The following NUTM2E variants were observed in gnomAD, a reference collection of about 807,000 sequenced individuals.
The protein encoded by NUTM2E is family with sequence similarity 22, member E.
In NUTM2E, 3 loss-of-function variants were observed where a neutral mutation model predicts 26.1. The observed-to-expected ratio is 0.12, with a 90% CI of 0.05 to 0.30. The LOEUF is 0.30. Ranked by LOEUF, NUTM2E falls within the 10% of genes least tolerant of loss-of-function variation. The probability of loss-of-function intolerance (pLI) is 1.00; values close to 1 mark genes in which losing one functional copy is unlikely to be tolerated. For synonymous variants in NUTM2E, 13 were observed against 157.5 expected, an observed-to-expected ratio of 0.08 and a Z score of 6.87; for missense variants, 62 against 381.3, an observed-to-expected ratio of 0.16 and a Z score of 6.97.
rs571786088 is a variant in NUTM2E at position 79,845,356 on chromosome 10, G to A, written c.1082+484G>A. On this transcript the variant is annotated intron_variant, in intron 5 of 9. Coordinates refer to ENST00000429984, the MANE Select transcript of NUTM2E (RefSeq NM_001355263.2). ...GCACAGCGGTGGTGGAGCCTGCACAGGGGGATGGTCTCGGGCCCTGCACTG... is the reference window on the plus strand; with the variant it reads ...GCACAGCGGTGGTGGAGCCTGCACAAGGGGATGGTCTCGGGCCCTGCACTG... Among the ~76,000 whole-genome samples, 98 of 113,838 alleles carry A rather than the reference G, an allele frequency of 8.6e-4. 25 individuals are homozygous for A. Among genetic ancestry groups the A allele is most frequent in the African/African-American group, 2.6e-3 (94 of 35,800 alleles). 74.7% of individuals were successfully genotyped at this position (113,838 alleles called of 152,430 possible). A position where few individuals can be genotyped will look rare whatever the true frequency, so the allele number is the denominator to read the frequency against.
chr10:79,828,560 T>C (rs1841906491), intron 1 of NUTM2E, among the ~76,000 whole-genome samples: 1 of 151,884 alleles, frequency 6.6e-6, no homozygotes, highest in Non-Finnish European at 1.5e-5. Context: ...ACAGCCCTGG[T>C]AGTGGAAAAG....
intron 1 of NUTM2E, among the ~76,000 whole-genome samples, chr10:79,831,830 T>C (rs1218302872): frequency 6.6e-6 from 1 of 151,178 alleles, no homozygotes; most frequent in Admixed American, 6.6e-5. Context: ...AATTGCTGTT[T>C]TAGTTACTTT....
chr10:79,831,350 T>TAGATATAATC (rs1841926232), intron 1 of NUTM2E, among the ~76,000 whole-genome samples: 1 of 151,390 alleles, frequency 6.6e-6, no homozygotes, highest in South Asian at 2.1e-4. Context: ...TAAATTAGCT[T>TAGATATAATC]AGATATAATC....
intron 1 of NUTM2E, among the ~76,000 whole-genome samples, chr10:79,830,292 T>A (rs1841918644): frequency 6.6e-6 from 1 of 151,768 alleles, no homozygotes; most frequent in African/African-American, 2.4e-5. Context: ...GACATGCATC[T>A]GGATGGTTAA....
chr10:79,830,318 C>A (rs1841919238), intron 1 of NUTM2E, among the ~76,000 whole-genome samples: 1 of 151,460 alleles, frequency 6.6e-6, no homozygotes, highest in African/African-American at 2.4e-5. Flanking sequence ...TCCAATCATA[C>A]ATAACTGAAG....
chr10:79,831,465 TG>T (rs1475136703), intron 1 of NUTM2E, among the ~76,000 whole-genome samples: 1 of 151,106 alleles, frequency 6.6e-6, no homozygotes, highest in African/African-American at 2.4e-5. Flanking sequence ...AAATTTCAAA[TG>T]TAAAATAAAA....
chr10:79,830,268 C>T (rs1402447200), intron 1 of NUTM2E, among the ~76,000 whole-genome samples: 3 of 151,462 alleles, frequency 2.0e-5, no homozygotes, highest in Non-Finnish European at 4.4e-5. Context: ...AAAAAAGATT[C>T]TATTATGTCA....
In NUTM2E at chr10:79,829,273, T is replaced by G. The variant is rs535570129; in HGVS notation, c.-2728+1916T>G. 6.0e-3 allele frequency among the ~76,000 whole-genome samples: 902 copies of G among 151,476 alleles called. 14 individuals carry two copies. The highest frequency in any genetic ancestry group is 0.02 in the African/African-American group (824 of 41,370). ...CAAGGGTGAGATAGAGAGCTGATGG[T>G]AAAAATAACAATGAGAGCAAAGGCC... On this transcript the variant is annotated intron_variant, in intron 1 of 9. Transcript: ENST00000429984.
At chr10:79,832,968 GTGTT>G (rs1224465340) in intron 1 of NUTM2E, among the ~76,000 whole-genome samples, 1 of 151,608 alleles carries the variant, frequency 6.6e-6, no homozygotes, top group African/African-American at 2.4e-5. Context: ...AATACAGTAA[GTGTT>G]TGTATATGTA....
intron 1 of NUTM2E, 177 bp downstream of exon 1, chr10:79,827,534 C>T (rs1284632638): frequency 6.9e-6 from 1 of 144,636 alleles, no homozygotes; most frequent in African/African-American, 2.6e-5. Flanking sequence ...AGAGCAATGT[C>T]TTTCTTGTAT....
Sources: gnomAD v4.1 joint callset for allele counts (sites outside exome capture counted in the v4.1 genomes callset) on GRCh38, gnomAD v4.1.1 for gene constraint, MANE v1.5 for transcripts, NCBI Gene and HGNC (gene_info 2026-07-23, HGNC 2026-07-21) for gene names.